MEF2D: variants seen among roughly 807,000 people sequenced by gnomAD.
MEF2D encodes the protein myocyte-specific enhancer factor 2D.
Under a neutral mutation model 59.3 loss-of-function variants are expected in MEF2D, and 10 were observed. The ratio of observed to expected loss-of-function variants is 0.17; its 90% CI spans 0.10 to 0.29. The LOEUF (loss-of-function observed/expected upper bound fraction) is 0.29, where lower values mean the gene tolerates loss of function less well. MEF2D is among the 10% of genes least tolerant of loss of function. The pLI is 1.00. For missense variants in MEF2D, 508 were observed against 699.4 expected, an observed-to-expected ratio of 0.73 and a Z score of 3.09; for synonymous variants, 305 against 295.0, an observed-to-expected ratio of 1.03 and a Z score of -0.35.
At chr1:156,489,935 A>G (rs1672650635) in intron 1 of MEF2D, among the ~76,000 whole-genome samples, 2 of 152,008 alleles carry the variant, frequency 1.3e-5, no homozygotes, top group Non-Finnish European at 1.5e-5. Context: ...CTCTCTTCCA[A>G]CTTCAGCCCT....
In MEF2D at chr1:156,485,519, CTTCTTT is replaced by C. The variant is rs1411799455; in HGVS notation, c.-138-2095_-138-2090del. ...CAAACGACTCCCTACCCTTCTCCTT[CTTCTTT>C]TTTTTTTTTTTTTTTGGTGGTGGTT... On this transcript the variant is annotated intron_variant, in intron 1 of 11. Coordinates refer to ENST00000348159, the MANE Select transcript of MEF2D (RefSeq NM_005920.4). Among the ~76,000 whole-genome samples the C allele has an allele frequency of 3.0e-5, 3 of 99,842 alleles. No individual in the cohort carries two copies. The South Asian group carries it at 1.1e-3, about 36-fold the overall frequency. 65.5% of individuals were successfully genotyped at this position (99,842 alleles called of 152,430 possible). A position where few individuals can be genotyped will look rare whatever the true frequency, so the allele number is the denominator to read the frequency against.
chr1:156,478,338 C>G (rs1320916107), intron 6 of MEF2D, among the ~76,000 whole-genome samples: 1 of 152,156 alleles, frequency 6.6e-6, no homozygotes, highest in Non-Finnish European at 1.5e-5. Flanking sequence ...GCTCTGTCCC[C>G]TAAGAGCATG....
chr1:156,464,961 A>G lies in MEF2D; in HGVS notation c.*2684T>C, dbSNP rs955866973. 1.3e-5 allele frequency: 2 copies of G among 152,396 alleles called. No homozygotes were observed. The highest frequency in any genetic ancestry group is 6.5e-5 in the Admixed American group (1 of 15,306). The allele number at this position is 152,396 out of a possible 1,614,324, so 9.4% of individuals were successfully genotyped here. On this transcript the variant is annotated 3_prime_UTR_variant, in exon 12 of 12. Transcript: ENST00000348159. ...CCATTCATTCATTTATTGAGCACCT[A>G]TCATTCAACTATTCACCCATTCAGC...
intron 1 of MEF2D, among the ~76,000 whole-genome samples, chr1:156,498,874 T>C (rs548116685): frequency 5.3e-4 from 80 of 151,962 alleles, no homozygotes; most frequent in Middle Eastern, 3.4e-3. Context: ...CCCACCCCCA[T>C]CTCCTGCCCA....
Position 156,468,658 on chromosome 1 carries a change from G to A in MEF2D, c.1247+122C>T. ...CCACTGTTGCCTAACAGACTGTGCA[G>A]TGCACAGCCTCATAGGATGTCCACT... On this transcript the variant is annotated intron_variant, in intron 10 of 11. Coordinates refer to ENST00000348159, the MANE Select transcript of MEF2D (RefSeq NM_005920.4). This position sits in a 1 kb window ranked among gnomAD's most constrained non-coding sequence, Gnocchi z 4.3. 1.4e-6 allele frequency: 2 copies of A among 1,467,566 alleles called. No homozygotes were observed. Among genetic ancestry groups the A allele is most frequent in the Non-Finnish European group, 1.8e-6 (2 of 1,084,484 alleles). The allele number at this position is 1,467,566 out of a possible 1,614,324, so 90.9% of individuals were successfully genotyped here.
intron 1 of MEF2D, 61 bp from the exon 2 acceptor site, chr1:156,483,491 G>A: frequency 3.4e-6 from 2 of 590,814 alleles, no homozygotes; most frequent in South Asian, 4.0e-5. Context: ...CTGCTCCCTG[G>A]GCACACAGGC....
Position 156,468,935 on chromosome 1 carries a change from C to A in MEF2D, c.1092G>T (p.Trp364Cys). 1 of 1,613,716 alleles carries A rather than the reference C, an allele frequency of 6.2e-7. No homozygotes were observed. Among genetic ancestry groups the A allele is most frequent in the Non-Finnish European group, 8.5e-7 (1 of 1,179,874 alleles). The change falls in exon 10 of 12, where the codon TGG (tryptophan) becomes TGT (cysteine). Residue 364 changes from tryptophan (W) to cysteine (C), a missense_variant. Coordinates refer to ENST00000348159, the MANE Select transcript of MEF2D (RefSeq NM_005920.4). This position sits in a 1 kb window ranked among gnomAD's most constrained non-coding sequence, Gnocchi z 4.3. ...GCTGCTGGGGCTGCTGTGGCTGTTG[C>A]CAGGCAGTGACATTGCCTAGCGACA... is the stretch of plus-strand genomic sequence containing the variant. Reference protein sequence around the residue: ...GGLSLGNVTAWQQPQQPQQPQ... With the variant: ...GGLSLGNVTACQQPQQPQQPQ...
intron 1 of MEF2D, among the ~76,000 whole-genome samples, chr1:156,497,593 C>T (rs937194450): frequency 6.6e-6 from 1 of 152,232 alleles, no homozygotes; most frequent in Non-Finnish European, 1.5e-5. Flanking sequence ...CTCAACTCCT[C>T]TTTTCCAGTA....
chr1:156,489,048 C>G (rs3790457), intron 1 of MEF2D, among the ~76,000 whole-genome samples: 1 of 151,980 alleles, frequency 6.6e-6, no homozygotes, highest in Non-Finnish European at 1.5e-5. Context: ...CAAAAGGGAG[C>G]AGATGCCCAG....
chr1:156,495,801 G>C (rs1053091413), intron 1 of MEF2D, among the ~76,000 whole-genome samples: 1 of 111,696 alleles, frequency 9.0e-6, no homozygotes, highest in Non-Finnish European at 1.7e-5. Flanking sequence ...TGGTTTCCTC[G>C]TCTGCTCAGC....
At chr1:156,498,877 C>G (rs948349914) in intron 1 of MEF2D, among the ~76,000 whole-genome samples, 2 of 152,188 alleles carry the variant, frequency 1.3e-5, no homozygotes, top group Admixed American at 1.3e-4. Context: ...ACCCCCATCT[C>G]CTGCCCAACA....
In MEF2D at chr1:156,467,556, C is replaced by T. The variant is rs1670927818; in HGVS notation, c.*89G>A. On this transcript the variant is annotated 3_prime_UTR_variant, in exon 12 of 12. Transcript: ENST00000348159. ...GAAGCACAAGAAAGGAAGTGGGGGT[C>T]GAGCGGGAGGAGCCCGGGGCAGGGA... is the stretch of plus-strand genomic sequence containing the variant. 9.4e-6 allele frequency: 10 copies of T among 1,066,398 alleles called. No individual in the cohort carries two copies. Among genetic ancestry groups the T allele is most frequent in the East Asian group, 5.8e-5 (2 of 34,496 alleles). The allele number at this position is 1,066,398 out of a possible 1,614,324, so 66.1% of individuals were successfully genotyped here.
chr1:156,492,993 T>G (rs767643870), intron 1 of MEF2D, among the ~76,000 whole-genome samples: 7 of 152,026 alleles, frequency 4.6e-5, no homozygotes, highest in Non-Finnish European at 1.0e-4. Context: ...GCTGAAGAGA[T>G]AAAAATGGAG....
At chr1:156,500,369 G>C (rs1673421731) in intron 1 of MEF2D, 117 bp downstream of exon 1, 1 of 152,750 alleles carries the variant, frequency 6.5e-6, no homozygotes, top group Admixed American at 6.5e-5. Context: ...CCGGCCCGGG[G>C]GCTGCCCCAT....
chr1:156,497,809 G>C (rs886684538), intron 1 of MEF2D, among the ~76,000 whole-genome samples: 4 of 152,126 alleles, frequency 2.6e-5, no homozygotes, highest in African/African-American at 9.7e-5. Flanking sequence ...ACCAGGGAGA[G>C]CAGGGGGCCC....
At position 156,468,851 on chromosome 1, in the gene MEF2D, CTGTGGCTGT is replaced by C; in HGVS notation, c.1167_1175del (p.Gln398_Pro400del). 1.2e-6 allele frequency: 2 copies of C among 1,613,858 alleles called. No homozygotes were observed. Among genetic ancestry groups the C allele is most frequent in the Non-Finnish European group, 1.7e-6 (2 of 1,179,896 alleles). On this transcript the variant is annotated inframe_deletion, in exon 10 of 12. Transcript: ENST00000348159. This position sits in a 1 kb window ranked among gnomAD's most constrained non-coding sequence, Gnocchi z 4.3. ...GTGGCTGTTGCGGCTGCTGAGGCTG[CTGTGGCTGT>C]GGCTGCTGTGGCTGCGGTGGCTGCT...
intron 6 of MEF2D, among the ~76,000 whole-genome samples, chr1:156,478,684 C>T (rs1571235896): frequency 1.3e-5 from 2 of 152,158 alleles, no homozygotes; most frequent in Non-Finnish European, 2.9e-5. Context: ...GCATGAGCCA[C>T]CACACCCGGC....
intron 1 of MEF2D, among the ~76,000 whole-genome samples, chr1:156,486,487 T>C (rs1434462395): frequency 6.6e-6 from 1 of 152,228 alleles, no homozygotes; most frequent in Non-Finnish European, 1.5e-5. Context: ...TGAGCTCCTC[T>C]GGCTTACAGC....
intron 9 of MEF2D, among the ~76,000 whole-genome samples, chr1:156,470,519 C>T (rs1156824629): frequency 1.3e-5 from 2 of 152,134 alleles, no homozygotes; most frequent in African/African-American, 4.8e-5. Context: ...CCTCAATCAT[C>T]CCAATACCCC....
Sources: gnomAD v4.1 joint callset for allele counts (sites outside exome capture counted in the v4.1 genomes callset) on GRCh38, gnomAD v4.1.1 for gene constraint, Gnocchi (gnomAD v3.1) non-coding constraint, MANE v1.5 for transcripts, NCBI Gene and HGNC (gene_info 2026-07-23, HGNC 2026-07-21) for gene names.